PDE1C: variants seen among roughly 807,000 people sequenced by gnomAD.
PDE1C encodes the protein dual specificity calcium/calmodulin-dependent 3',5'-cyclic nucleotide phosphodiesterase 1C.
PDE1C carries 62 observed loss-of-function variants against 93.1 expected under a neutral mutation model. The observed-to-expected ratio is 0.67, with a 90% CI of 0.54 to 0.82. The LOEUF (loss-of-function observed/expected upper bound fraction) is 0.82. PDE1C is among the 40% of genes least tolerant of loss of function. PDE1C has a pLI of 0.00. For synonymous variants in PDE1C, 325 were observed against 310.1 expected, an observed-to-expected ratio of 1.05 and a Z score of -0.50; for missense variants, 742 against 884.6, an observed-to-expected ratio of 0.84 and a Z score of 2.04.
intron 17 of PDE1C, among the ~76,000 whole-genome samples, chr7:31,759,295 T>C (rs1794681013): frequency 6.6e-6 from 1 of 152,204 alleles, no homozygotes; most frequent in Non-Finnish European, 1.5e-5. Context: ...TATGGCCTTC[T>C]GAGGGTACCC....
chr7:32,231,956 T>TACACACACACACACAC (rs1491530109), intron 1 of PDE1C, among the ~76,000 whole-genome samples: 1 of 126,744 alleles, frequency 7.9e-6, no homozygotes, highest in Non-Finnish European at 1.8e-5. Flanking sequence ...TAAATATGTG[T>TACACACACACACACAC]ATACACACAC....
chr7:31,642,644 T>C, the PDE1C span: 1 of 1,584,522 alleles, frequency 6.3e-7, no homozygotes, highest in Non-Finnish European at 8.6e-7. Context: ...CTCCTCCACT[T>C]CCTGACCTGT....
At position 32,109,116 on chromosome 7, in the gene PDE1C, C is replaced by T. The variant is rs962272787; in HGVS notation, c.308+60669G>A. Among the ~76,000 whole-genome samples the T allele has an allele frequency of 5.3e-4, 80 of 152,152 alleles. 1 individual carries two copies. The highest frequency in any genetic ancestry group is 1.3e-4 in the Non-Finnish European group (9 of 68,024). ...CTGAGGGCCCACCCTTCTCTGGACA[C>T]AGCATGAGTCACTGAGGGTACAAAA... On this transcript the variant is annotated intron_variant, in intron 3 of 18. Coordinates refer to the PDE1C transcript ENST00000396193.
chr7:31,648,380 G>A, the PDE1C span, among the ~76,000 whole-genome samples: 109,567 of 151,942 alleles, frequency 0.72, 40,085 homozygotes, highest in East Asian at 0.83. Flanking sequence ...TATTTTTGAG[G>A]GTTTTTATTT....
At chr7:31,899,391 G>A (rs902029808) in intron 2 of PDE1C, among the ~76,000 whole-genome samples, 2 of 151,898 alleles carry the variant, frequency 1.3e-5, no homozygotes, top group African/African-American at 4.8e-5. Context: ...ACCCTCCTTG[G>A]CCTCCCAAAG....
At chr7:31,845,028 C>G (rs1016011146) in intron 9 of PDE1C, among the ~76,000 whole-genome samples, 3 of 151,922 alleles carry the variant, frequency 2.0e-5, no homozygotes, top group African/African-American at 4.8e-5. Flanking sequence ...TACTCATAAA[C>G]CTTATAACAA....
At chr7:32,209,438 A>C in intron 2 of PDE1C, 1 of 1,449,142 alleles carries the variant, frequency 6.9e-7, no homozygotes, top group Non-Finnish European at 9.4e-7. Context: ...AGATCTCTGG[A>C]GAACATTTTC....
Position 32,005,578 on chromosome 7 carries a change from A to AAAAAAC in PDE1C, c.128+45975_128+45976insGTTTTT, listed in dbSNP as rs1204630246. Among the ~76,000 whole-genome samples, 77 of 103,790 alleles carry AAAAAAC rather than the reference A, an allele frequency of 7.4e-4. 6 individuals carry two copies. Among genetic ancestry groups the AAAAAAC allele is most frequent in the African/African-American group, 2.9e-3 (70 of 23,924 alleles). The allele number at this position is 103,790 out of a possible 152,430, so 68.1% of individuals were successfully genotyped here. ...TTCAAAAAAAAAAAAAAAAAAAAAA[A>AAAAAAC]AAAGAATTGTGATCTGAGAAATCAC... On this transcript the variant is annotated intron_variant, in intron 2 of 17. Coordinates refer to ENST00000396191, the MANE Select transcript of PDE1C (RefSeq NM_001191057.4).
At chr7:32,165,735 A>G (rs575142848) in intron 3 of PDE1C, among the ~76,000 whole-genome samples, 1 of 152,324 alleles carries the variant, frequency 6.6e-6, no homozygotes, top group South Asian at 2.1e-4. Context: ...TTGGGTGGGG[A>G]CACAGACCCA....
At chr7:32,030,149 C>G (rs962564475) in intron 2 of PDE1C, among the ~76,000 whole-genome samples, 1 of 150,946 alleles carries the variant, frequency 6.6e-6, no homozygotes, top group African/African-American at 2.4e-5. Flanking sequence ...TATAATCTCT[C>G]AGGAGGAACC....
At chr7:31,643,412 C>T in the PDE1C span, 3 of 1,613,972 alleles carry the variant, frequency 1.9e-6, no homozygotes, top group Non-Finnish European at 2.5e-6. Context: ...AAGTCAAGGT[C>T]TGGTACTTTG....
At chr7:32,114,881 C>T (rs775162582) in intron 3 of PDE1C, among the ~76,000 whole-genome samples, 5 of 152,196 alleles carry the variant, frequency 3.3e-5, no homozygotes, top group Non-Finnish European at 5.9e-5. Context: ...CATCACTGAT[C>T]ATTAGAGAAA....
the PDE1C span, among the ~76,000 whole-genome samples, chr7:31,697,879 CAG>C: frequency 6.6e-5 from 10 of 152,178 alleles, no homozygotes; most frequent in East Asian, 3.9e-4. Context: ...GACTAAGAAA[CAG>C]AGAATTTAAT....
At position 32,082,686 on chromosome 7, in the gene PDE1C, G is replaced by A. The variant is rs574974138; in HGVS notation, c.308+87099C>T. ...GAGGAACCATCGGACAGCAGCATTCGCGGTTCACCAAAATCCACTGTTCTG... is the reference window on the plus strand; with the variant it reads ...GAGGAACCATCGGACAGCAGCATTCACGGTTCACCAAAATCCACTGTTCTG... On this transcript the variant is annotated intron_variant, in intron 3 of 18. Coordinates refer to the PDE1C transcript ENST00000396193. 4.9e-3 allele frequency among the ~76,000 whole-genome samples: 750 copies of A among 152,254 alleles called. 3 individuals are homozygous for A. The highest frequency in any genetic ancestry group is 0.016 in the African/African-American group (677 of 41,544).
At chr7:32,206,004 C>G (rs1191504508) in intron 2 of PDE1C, among the ~76,000 whole-genome samples, 2 of 152,122 alleles carry the variant, frequency 1.3e-5, no homozygotes, top group Non-Finnish European at 2.9e-5. Context: ...CAAGAACCCA[C>G]CAGAAGAAAC....
intron 2 of PDE1C, among the ~76,000 whole-genome samples, chr7:32,208,863 G>GC (rs1189529804): frequency 6.6e-6 from 1 of 152,182 alleles, no homozygotes; most frequent in Non-Finnish European, 1.5e-5. Flanking sequence ...GTCAAGGGAA[G>GC]CCCCATGGCC....
intron 2 of PDE1C, among the ~76,000 whole-genome samples, chr7:32,205,051 C>G (rs1443691597): frequency 6.6e-6 from 1 of 152,190 alleles, no homozygotes; most frequent in Non-Finnish European, 1.5e-5. Flanking sequence ...AAGGTAATAA[C>G]AACCAGCCAC....
upstream of PDE1C, among the ~76,000 whole-genome samples, chr7:32,302,389 T>C (rs976803958): frequency 1.3e-5 from 2 of 152,156 alleles, no homozygotes; most frequent in African/African-American, 4.8e-5. Context: ...ACTAATTAGG[T>C]TAAGATTAAT....
chr7:32,197,404 T>C (rs1210084093), intron 2 of PDE1C, among the ~76,000 whole-genome samples: 1 of 152,174 alleles, frequency 6.6e-6, no homozygotes, highest in Admixed American at 6.5e-5. Context: ...CTCAAAATGT[T>C]GAACTTAGAG....
Sources: allele counts gnomAD v4.1 joint callset (sites outside exome capture counted in the v4.1 genomes callset), GRCh38; gene constraint gnomAD v4.1.1; transcripts MANE v1.5; gene names NCBI Gene and HGNC (gene_info 2026-07-23, HGNC 2026-07-21).